MTUS2: variants seen among roughly 807,000 people sequenced by gnomAD.
MTUS2 encodes microtubule-associated tumor suppressor candidate 2.
Under a neutral mutation model 114.1 loss-of-function variants are expected in MTUS2, and 40 were observed. The observed-to-expected ratio is 0.35, with a 90% CI of 0.27 to 0.46. The LOEUF (loss-of-function observed/expected upper bound fraction) is 0.46. Among genes scored for constraint, MTUS2 ranks in the 20% least tolerant of loss-of-function variants. The pLI is 1.00. For synonymous variants in MTUS2, 688 were observed against 672.0 expected, an observed-to-expected ratio of 1.02 and a Z score of -0.37; for missense variants, 1,679 against 1,705.4, an observed-to-expected ratio of 0.98 and a Z score of 0.27.
intron 5 of MTUS2, among the ~76,000 whole-genome samples, chr13:29,164,946 T>G (rs1893254030): frequency 6.6e-6 from 1 of 152,214 alleles, no homozygotes; most frequent in Non-Finnish European, 1.5e-5. Flanking sequence ...TGTTCTGAAA[T>G]ATTTTAAAAA....
intron 7 of MTUS2, among the ~76,000 whole-genome samples, chr13:29,331,851 T>C (rs1900793435): frequency 6.6e-6 from 1 of 152,232 alleles, no homozygotes; most frequent in Non-Finnish European, 1.5e-5. Context: ...GTTTATGTGA[T>C]GGATTAGGTT....
chr13:29,210,688 T>G (rs1183892680), intron 5 of MTUS2, among the ~76,000 whole-genome samples: 2 of 152,134 alleles, frequency 1.3e-5, no homozygotes, highest in Admixed American at 1.3e-4. Context: ...TAATTATTGT[T>G]GTATTTTTTC....
intron 4 of MTUS2, among the ~76,000 whole-genome samples, chr13:29,094,381 A>AT (rs1235830623): frequency 5.3e-5 from 8 of 150,640 alleles, no homozygotes; most frequent in African/African-American, 1.9e-4. Flanking sequence ...TCTCTTTTAG[A>AT]TTTTCAGAGT....
At chr13:29,303,451 A>G (rs1382585942) in intron 6 of MTUS2, among the ~76,000 whole-genome samples, 1 of 152,226 alleles carries the variant, frequency 6.6e-6, no homozygotes. Context: ...AGAGAGGAAT[A>G]TAATTGGCCT....
At chr13:28,980,451 T>G (rs187863547) in intron 2 of MTUS2, among the ~76,000 whole-genome samples, 1 of 152,322 alleles carries the variant, frequency 6.6e-6, no homozygotes, top group Admixed American at 6.5e-5. Context: ...GAGGCAGTTC[T>G]TTTTGCAAAT....
rs538768374 is a variant in MTUS2 at position 29,326,857 on chromosome 13, G to C, written c.2905+2146G>C. ...TAGCCAGGTGTGGTGGTGCGTGCCT[G>C]TAGTCCCAGCTACTTGGGAAGCTGA... On this transcript the variant is annotated intron_variant, in intron 7 of 15. Transcript: ENST00000612955. Among the ~76,000 whole-genome samples the C allele has an allele frequency of 1.9e-3, 295 of 152,212 alleles. 2 individuals are homozygous for C. The highest frequency in any genetic ancestry group is 6.6e-3 in the African/African-American group (273 of 41,538).
intron 5 of MTUS2, among the ~76,000 whole-genome samples, chr13:29,158,129 A>T (rs1031430249): frequency 6.6e-6 from 1 of 152,100 alleles, no homozygotes; most frequent in African/African-American, 2.4e-5. Context: ...CTTCACTCCA[A>T]GGGGACTGTC....
chr13:29,193,166 C>T (rs2139201832), intron 5 of MTUS2, among the ~76,000 whole-genome samples: 1 of 152,200 alleles, frequency 6.6e-6, no homozygotes, highest in East Asian at 1.9e-4. Flanking sequence ...CTACACAGTG[C>T]AGGAGCTGGT....
At chr13:29,178,222 T>C (rs901232943) in intron 5 of MTUS2, among the ~76,000 whole-genome samples, 1 of 152,218 alleles carries the variant, frequency 6.6e-6, no homozygotes, top group Non-Finnish European at 1.5e-5. Context: ...AGTTTAAAAT[T>C]GTTTGACTAA....
intron 5 of MTUS2, among the ~76,000 whole-genome samples, chr13:29,269,734 G>A (rs766160634): frequency 6.6e-6 from 1 of 152,074 alleles, no homozygotes; most frequent in Non-Finnish European, 1.5e-5. Flanking sequence ...CATTGAAATC[G>A]GGGTCTCAAA....
chr13:29,467,154 C>T (rs553892279), intron 9 of MTUS2, among the ~76,000 whole-genome samples: 3 of 152,134 alleles, frequency 2.0e-5, no homozygotes, highest in South Asian at 2.1e-4. Flanking sequence ...GATTGGGTCA[C>T]GGGAGTTCAT....
intron 7 of MTUS2, among the ~76,000 whole-genome samples, chr13:29,345,813 G>A (rs951463075): frequency 1.3e-5 from 2 of 152,126 alleles, no homozygotes; most frequent in Non-Finnish European, 2.9e-5. Flanking sequence ...GGGCTGAAGG[G>A]CTATTGTTCA....
At chr13:29,086,116 T>C (rs1889680859) in intron 4 of MTUS2, among the ~76,000 whole-genome samples, 2 of 152,160 alleles carry the variant, frequency 1.3e-5, no homozygotes, top group African/African-American at 4.8e-5. Flanking sequence ...TCTTTGCCCA[T>C]TTTGAAATGA....
intron 5 of MTUS2, among the ~76,000 whole-genome samples, chr13:29,209,772 T>A (rs1193211481): frequency 6.6e-6 from 1 of 152,154 alleles, no homozygotes; most frequent in East Asian, 1.9e-4. Context: ...TCCCTTCTGG[T>A]TTGTAGGGTT....
At chr13:29,077,788 T>G (rs1281506319) in intron 4 of MTUS2, among the ~76,000 whole-genome samples, 1 of 152,216 alleles carries the variant, frequency 6.6e-6, no homozygotes, top group Non-Finnish European at 1.5e-5. Context: ...ACTGGTTGCC[T>G]GGAATGTCAA....
chr13:28,961,664 A>G (rs943074074), intron 2 of MTUS2, among the ~76,000 whole-genome samples: 3 of 152,168 alleles, frequency 2.0e-5, no homozygotes, highest in Admixed American at 1.3e-4. Flanking sequence ...AATTTTGTCA[A>G]GTTTTTCATG....
chr13:28,958,763 T>C (rs1457001030), intron 2 of MTUS2, among the ~76,000 whole-genome samples: 1 of 152,194 alleles, frequency 6.6e-6, no homozygotes, highest in Admixed American at 6.5e-5. Flanking sequence ...GTGAATCTTT[T>C]GGAATAAAGA....
intron 2 of MTUS2, among the ~76,000 whole-genome samples, chr13:28,998,824 C>T (rs1480510733): frequency 6.6e-6 from 1 of 152,036 alleles, no homozygotes; most frequent in Non-Finnish European, 1.5e-5. Context: ...AACTTCTTTG[C>T]CATTGGTTCG....
At chr13:29,460,515 TC>T (rs1002933774) in intron 9 of MTUS2, among the ~76,000 whole-genome samples, 1 of 152,232 alleles carries the variant, frequency 6.6e-6, no homozygotes, top group Admixed American at 6.5e-5. Flanking sequence ...TTCACTTTTT[TC>T]TTCCCATCAG....
Sources: gnomAD v4.1 joint callset for allele counts (sites outside exome capture counted in the v4.1 genomes callset) on GRCh38, gnomAD v4.1.1 for gene constraint, MANE v1.5 for transcripts, NCBI Gene and HGNC (gene_info 2026-07-23, HGNC 2026-07-21) for gene names.